CMSS1: variants seen among roughly 807,000 people sequenced by gnomAD.
CMSS1 encodes the protein protein CMSS1.
In CMSS1, 33 loss-of-function variants were observed where a neutral mutation model predicts 43.5. The observed-to-expected ratio is 0.76, with a 90% CI of 0.57 to 1.01. CMSS1 has a LOEUF of 1.01. CMSS1 is among the 50% of genes least tolerant of loss of function. CMSS1 has a pLI of 0.00. For missense variants in CMSS1, 313 were observed against 326.4 expected (o/e 0.96, Z 0.32); for synonymous variants, 115 against 117.2 (o/e 0.98, Z 0.12).
chr3:100,055,206 A>G (rs1216146509), intron 1 of CMSS1, among the ~76,000 whole-genome samples: 1 of 152,162 alleles, frequency 6.6e-6, no homozygotes, highest in Non-Finnish European at 1.5e-5. Flanking sequence ...TTCTTCGTGT[A>G]TGCATAGGAT....
chr3:100,048,803 T>C (rs2065321118), intron 1 of CMSS1, among the ~76,000 whole-genome samples: 1 of 152,222 alleles, frequency 6.6e-6, no homozygotes, highest in Non-Finnish European at 1.5e-5. Flanking sequence ...TAGGACATTT[T>C]CTTTCTGCTT....
At chr3:99,855,659 A>G (rs139047511) in intron 1 of CMSS1, among the ~76,000 whole-genome samples, 1 of 152,350 alleles carries the variant, frequency 6.6e-6, no homozygotes, top group African/African-American at 2.4e-5. Flanking sequence ...ATGGAGAACT[A>G]TCAACTTAAA....
At chr3:100,071,476 G>GCCT (rs2065762168) in intron 1 of CMSS1, among the ~76,000 whole-genome samples, 2 of 152,282 alleles carry the variant, frequency 1.3e-5, no homozygotes, top group Admixed American at 1.3e-4. Flanking sequence ...TCCTGAGCCT[G>GCCT]CCTGGATTTC....
intron 1 of CMSS1, among the ~76,000 whole-genome samples, chr3:100,044,627 C>T (rs1281323629): frequency 6.6e-5 from 10 of 152,180 alleles, no homozygotes; most frequent in Admixed American, 6.5e-4. Flanking sequence ...TATACAGGGC[C>T]TTATAGGCAC....
chr3:99,886,569 G>T (rs1364657038), intron 1 of CMSS1, among the ~76,000 whole-genome samples: 1 of 151,886 alleles, frequency 6.6e-6, no homozygotes, highest in Non-Finnish European at 1.5e-5. Flanking sequence ...ATTTTGGGGG[G>T]GTAGATAGAA....
intron 1 of CMSS1, among the ~76,000 whole-genome samples, chr3:99,902,533 G>A (rs1706470776): frequency 1.3e-5 from 2 of 152,126 alleles, no homozygotes; most frequent in South Asian, 4.1e-4. Context: ...TCATTCTGAG[G>A]AAATGGTGTG....
intron 1 of CMSS1, among the ~76,000 whole-genome samples, chr3:99,945,549 CAAAG>C (rs1289519764): frequency 6.6e-6 from 1 of 152,154 alleles, no homozygotes; most frequent in Non-Finnish European, 1.5e-5. Context: ...AGGAGGGAAA[CAAAG>C]AATCATTACT....
chr3:99,890,597 T>A lies in CMSS1; in HGVS notation c.64+72554T>A, dbSNP rs146887580. ...CTGTGCAATTTCTTTGAATTTTTCT[T>A]CCAGTTTACTAATTCTCATTCCTTG... On this transcript the variant is annotated intron_variant, in intron 1 of 9. Transcript: ENST00000421999. Among the ~76,000 whole-genome samples, 837 of 152,276 alleles carry A rather than the reference T, an allele frequency of 5.5e-3. 19 individuals are homozygous for A. The highest frequency in any genetic ancestry group is 0.038 in the Admixed American group (586 of 15,296).
At chr3:99,988,511 C>CCA (rs1709418402) in intron 1 of CMSS1, among the ~76,000 whole-genome samples, 1 of 47,896 alleles carries the variant, frequency 2.1e-5, no homozygotes, top group South Asian at 8.2e-4. Context: ...GACTCCATCT[C>CCA]AAAAAAAAAA....
intron 1 of CMSS1, among the ~76,000 whole-genome samples, chr3:99,866,388 G>C (rs1184232614): frequency 6.6e-6 from 1 of 152,096 alleles, no homozygotes; most frequent in African/African-American, 2.4e-5. Flanking sequence ...TTGTTAGTGG[G>C]AAATTCAAAC....
intron 1 of CMSS1, among the ~76,000 whole-genome samples, chr3:99,917,961 G>GTTTGTTTTTTGTTTTGTTTTGT (rs1707004571): frequency 6.6e-6 from 1 of 151,866 alleles, no homozygotes; most frequent in African/African-American, 2.4e-5. Flanking sequence ...GCCCTTGTTT[G>GTTTGTTTTTTGTTTTGTTTTGT]TTTGTTTTTT....
At chr3:100,025,421 C>A (rs2064901306) in intron 1 of CMSS1, 1 of 152,110 alleles carries the variant, frequency 6.6e-6, no homozygotes, top group African/African-American at 2.4e-5. Flanking sequence ...CTCTTCCTTC[C>A]TTCCAGTGTT....
intron 1 of CMSS1, among the ~76,000 whole-genome samples, chr3:100,074,675 A>ATTTTTTTTTTTT (rs555819875): frequency 0.015 from 510 of 34,794 alleles, 204 homozygotes; most frequent in East Asian, 0.022. Flanking sequence ...GCAACATTTG[A>ATTTTTTTTTTTT]TTTTTTTTTT....
intron 1 of CMSS1, among the ~76,000 whole-genome samples, chr3:100,054,355 G>C (rs889584567): frequency 1.3e-5 from 2 of 152,184 alleles, no homozygotes; most frequent in Admixed American, 6.5e-5. Context: ...TGAAAGCTCA[G>C]ATCTGGAAAA....
chr3:99,989,735 T>C (rs927936064), intron 1 of CMSS1, among the ~76,000 whole-genome samples: 10 of 151,634 alleles, frequency 6.6e-5, no homozygotes, highest in African/African-American at 2.2e-4. Context: ...AGTAAGGTAA[T>C]CCTATTTAGT....
At position 99,945,468 on chromosome 3, in the gene CMSS1, G is replaced by A. The variant is rs568321729; in HGVS notation, c.64+127425G>A. ...AAGCACCCAGGGCAGCCAAGAGTGC[G>A]TGTTGACTAAGGAGGGTGGCTGCTG... On this transcript the variant is annotated intron_variant, in intron 1 of 9. Coordinates refer to ENST00000421999, the MANE Select transcript of CMSS1 (RefSeq NM_032359.4). 3.3e-5 allele frequency among the ~76,000 whole-genome samples: 5 copies of A among 152,280 alleles called. No homozygotes were observed. In the East Asian group the frequency reaches 5.8e-4, roughly 18 times the overall value.
At chr3:99,943,192 C>T (rs1000465539) in intron 1 of CMSS1, among the ~76,000 whole-genome samples, 1 of 152,118 alleles carries the variant, frequency 6.6e-6, no homozygotes, top group Non-Finnish European at 1.5e-5. Flanking sequence ...TAGTGGTCAG[C>T]TCATGCCTAT....
intron 1 of CMSS1, among the ~76,000 whole-genome samples, chr3:99,920,513 G>A (rs150585706): frequency 6.6e-6 from 1 of 152,186 alleles, no homozygotes; most frequent in Admixed American, 6.5e-5. Context: ...GGTGACACAC[G>A]TATCCACATG....
At chr3:99,942,153 G>T (rs912836499) in intron 1 of CMSS1, among the ~76,000 whole-genome samples, 1 of 151,382 alleles carries the variant, frequency 6.6e-6, no homozygotes, top group Admixed American at 6.6e-5. Flanking sequence ...AGTGAGCCGA[G>T]ATCGTGCCAC....
Sources: gnomAD v4.1 joint callset for allele counts (sites outside exome capture counted in the v4.1 genomes callset) on GRCh38, gnomAD v4.1.1 for gene constraint, MANE v1.5 for transcripts, NCBI Gene and HGNC (gene_info 2026-07-23, HGNC 2026-07-21) for gene names.